GAREM1: variants seen among roughly 807,000 people sequenced by gnomAD.
GAREM1 encodes the protein GRB2-associated and regulator of MAPK protein 1.
GAREM1 carries 26 observed loss-of-function variants against 71.3 expected under a neutral mutation model. The observed-to-expected ratio is 0.36, with a 90% CI of 0.27 to 0.51. The LOEUF (loss-of-function observed/expected upper bound fraction) is 0.51, where lower values mean the gene tolerates loss of function less well. Ranked by LOEUF, GAREM1 falls within the 20% of genes least tolerant of loss-of-function variation. The pLI is 0.95. For missense variants in GAREM1, 1,026 were observed against 1,103.1 expected, an observed-to-expected ratio of 0.93 and a Z score of 0.99; for synonymous variants, 440 against 433.2, an observed-to-expected ratio of 1.02 and a Z score of -0.20.
Position 32,287,041 on chromosome 18 carries a change from T to G in GAREM1, c.1556A>C (p.Lys519Thr). The change falls in exon 4 of 6, where the codon AAA (lysine) becomes ACA (threonine). Residue 519 changes from lysine to threonine, a missense_variant. Lys to Thr is a moderately conservative substitution (Grantham distance 78). Coordinates refer to ENST00000269209, the MANE Select transcript of GAREM1 (RefSeq NM_001242409.2). This position sits in a 1 kb window ranked among gnomAD's most constrained non-coding sequence, Gnocchi z 5.9. The part of the protein sequence containing the change: ...TALPPPPVPP[K>T]SEAVREECRL... ...ACAGAAATGACTTACGGCTTCAGATTTGGGAGGCACTGGAGGTGGAGGTAG... is the reference window on the plus strand; with the variant it reads ...ACAGAAATGACTTACGGCTTCAGATGTGGGAGGCACTGGAGGTGGAGGTAG... 1 of 1,611,818 alleles carries G rather than the reference T, an allele frequency of 6.2e-7. No individual in the cohort carries two copies. The highest frequency in any genetic ancestry group is 8.5e-7 in the Non-Finnish European group (1 of 1,178,146).
chr18:32,310,429 AT>A (rs1450471877), intron 2 of GAREM1, 106 bp from the exon 3 acceptor site: 9 of 1,097,526 alleles, frequency 8.2e-6, no homozygotes, highest in Non-Finnish European at 1.2e-5. Flanking sequence ...TTTGTCAAAG[AT>A]TCCTGTTCAT....
intron 3 of GAREM1, among the ~76,000 whole-genome samples, chr18:32,299,198 TAAAAAAAACTGG>T (rs2047173545): frequency 6.6e-6 from 1 of 151,706 alleles, no homozygotes; most frequent in Admixed American, 6.6e-5. Context: ...AACATATAAT[TAAAAAAAACTGG>T]AAAATAAAAA....
intron 2 of GAREM1, among the ~76,000 whole-genome samples, chr18:32,336,822 C>A (rs980457076): frequency 2.0e-5 from 3 of 152,182 alleles, no homozygotes; most frequent in Non-Finnish European, 4.4e-5. Context: ...GCTCCACTTA[C>A]CAGCCCTTCG....
chr18:32,269,580 G>A (rs1388550219), intron 5 of GAREM1, among the ~76,000 whole-genome samples: 1 of 152,146 alleles, frequency 6.6e-6, no homozygotes. Flanking sequence ...AAGAGATATG[G>A]GATGGACCTA....
chr18:32,272,227 C>T (rs2041473094), intron 4 of GAREM1, among the ~76,000 whole-genome samples: 1 of 152,176 alleles, frequency 6.6e-6, no homozygotes, highest in Non-Finnish European at 1.5e-5. Context: ...ATTCACTTGC[C>T]AGAGAAAACC....
At chr18:32,440,586 A>G (rs1405653478) in intron 1 of GAREM1, among the ~76,000 whole-genome samples, 1 of 152,226 alleles carries the variant, frequency 6.6e-6, no homozygotes, top group African/African-American at 2.4e-5. Flanking sequence ...TTGATTCTAC[A>G]ATGAATCTCC....
intron 2 of GAREM1, among the ~76,000 whole-genome samples, chr18:32,340,911 C>T (rs2047641356): frequency 6.6e-6 from 1 of 152,132 alleles, no homozygotes; most frequent in South Asian, 2.1e-4. Context: ...GTGTTACATG[C>T]CCTTGCTTGG....
At chr18:32,449,381 GTGTTA>G (rs1343989298) in intron 1 of GAREM1, among the ~76,000 whole-genome samples, 2 of 152,162 alleles carry the variant, frequency 1.3e-5, no homozygotes, top group Non-Finnish European at 2.9e-5. Context: ...TCATAGTAAA[GTGTTA>G]TTAAAAAGCA....
chr18:32,302,948 T>C (rs2047214889), intron 3 of GAREM1, among the ~76,000 whole-genome samples: 2 of 152,136 alleles, frequency 1.3e-5, no homozygotes, highest in African/African-American at 2.4e-5. Context: ...AAAGCAGTAA[T>C]CAGAAGCTGA....
intron 1 of GAREM1, among the ~76,000 whole-genome samples, chr18:32,447,587 T>C (rs532296002): frequency 7.2e-5 from 11 of 152,278 alleles, no homozygotes; most frequent in African/African-American, 2.6e-4. Context: ...AAACTATTTA[T>C]TTTACAGGAA....
At chr18:32,303,432 G>A (rs930845483) in intron 3 of GAREM1, among the ~76,000 whole-genome samples, 2 of 152,092 alleles carry the variant, frequency 1.3e-5, no homozygotes, top group African/African-American at 2.4e-5. Flanking sequence ...AAATGCAGAC[G>A]GGGAAAATTT....
intron 2 of GAREM1, among the ~76,000 whole-genome samples, chr18:32,388,721 T>C (rs1470042346): frequency 6.6e-6 from 1 of 152,006 alleles, no homozygotes; most frequent in African/African-American, 2.4e-5. Context: ...AATGTCTATA[T>C]CACGAAAGAC....
At chr18:32,318,304 C>T (rs796384435) in intron 2 of GAREM1, among the ~76,000 whole-genome samples, 5 of 152,132 alleles carry the variant, frequency 3.3e-5, no homozygotes, top group African/African-American at 1.2e-4. Context: ...TTTGTGTGTG[C>T]CCCTCAAGAT....
intron 1 of GAREM1, among the ~76,000 whole-genome samples, chr18:32,396,103 G>C (rs139500818): frequency 1.3e-5 from 2 of 152,172 alleles, no homozygotes; most frequent in Admixed American, 6.6e-5. Flanking sequence ...GCTGAGGGTC[G>C]TGACTGTTAG....
At chr18:32,352,984 A>G (rs959034964) in intron 2 of GAREM1, among the ~76,000 whole-genome samples, 2 of 152,228 alleles carry the variant, frequency 1.3e-5, no homozygotes, top group African/African-American at 4.8e-5. Context: ...TTTTTTATTA[A>G]TGAGAGGCCA....
rs146569001 is a variant in GAREM1, at chr18:32,462,355, C to T, written c.121+7953G>A. 7.9e-5 allele frequency among the ~76,000 whole-genome samples: 12 copies of T among 152,256 alleles called. No individual in the cohort carries two copies. The East Asian group carries it at 1.9e-3, about 24-fold the overall frequency. On this transcript the variant is annotated intron_variant, in intron 1 of 5. Transcript: ENST00000269209. ...TCACTGCGATTTTGATTTGCCATTCCTGATTAATGACGGATGTTGACCATT... is the reference window on the plus strand; with the variant it reads ...TCACTGCGATTTTGATTTGCCATTCTTGATTAATGACGGATGTTGACCATT...
rs138799660 is a variant in GAREM1, at chr18:32,463,568, C to CTT, written c.121+6738_121+6739dup. On this transcript the variant is annotated intron_variant, in intron 1 of 5. Coordinates refer to ENST00000269209, the MANE Select transcript of GAREM1 (RefSeq NM_001242409.2). ...AAATTAAAGAGAGTTTTTTAAATCA[C>CTT]TTTTTTTTTTTTTTTTTTTGAGACG... Among the ~76,000 whole-genome samples the CTT allele has an allele frequency of 1.1e-3, 151 of 131,696 alleles. 1 individual carries two copies. The highest frequency in any genetic ancestry group is 1.2e-3 in the African/African-American group (43 of 35,560). 86.4% of individuals were successfully genotyped at this position (131,696 alleles called of 152,430 possible).
intron 1 of GAREM1, among the ~76,000 whole-genome samples, chr18:32,422,738 T>C (rs778729299): frequency 6.6e-6 from 1 of 152,218 alleles, no homozygotes; most frequent in South Asian, 2.1e-4. Context: ...AAACAACATA[T>C]GTAAAAATTT....
At chr18:32,394,859 C>T (rs1408869436) in intron 1 of GAREM1, among the ~76,000 whole-genome samples, 3 of 152,168 alleles carry the variant, frequency 2.0e-5, no homozygotes, top group Admixed American at 6.5e-5. Flanking sequence ...GTCTTGGGCA[C>T]GAACCTCCTT....
Sources: gnomAD v4.1 joint callset for allele counts (sites outside exome capture counted in the v4.1 genomes callset) on GRCh38, gnomAD v4.1.1 for gene constraint, Gnocchi (gnomAD v3.1) non-coding constraint, MANE v1.5 for transcripts, NCBI Gene and HGNC (gene_info 2026-07-23, HGNC 2026-07-21) for gene names.